UGT1A8: variants seen among roughly 807,000 people sequenced by gnomAD.
UGT1A8 encodes UDP glucuronosyltransferase family 1 member A8.
In UGT1A8, 39 loss-of-function variants were observed where a neutral mutation model predicts 45.3. The observed-to-expected ratio is 0.86, with a 90% CI of 0.67 to 1.12. The LOEUF (loss-of-function observed/expected upper bound fraction) is 1.12, where lower values mean the gene tolerates loss of function less well. Ranked by LOEUF, UGT1A8 falls within the 50% of genes most tolerant of loss-of-function variation. The pLI is 0.00. For missense variants in UGT1A8, 719 were observed against 664.9 expected (o/e 1.08, Z -0.90); for synonymous variants, 275 against 249.2 (o/e 1.10, Z -0.97).
chr2:233,694,162 A>G (rs2075203052), intron 1 of UGT1A8, among the ~76,000 whole-genome samples: 1 of 152,214 alleles, frequency 6.6e-6, no homozygotes, highest in South Asian at 2.1e-4. Context: ...CAGTTCAAAC[A>G]GAGGTGAAGG....
At chr2:233,684,226 G>A (rs1010844476) in intron 1 of UGT1A8, among the ~76,000 whole-genome samples, 8 of 152,154 alleles carry the variant, frequency 5.3e-5, no homozygotes, top group Admixed American at 4.6e-4. Flanking sequence ...ATGCAACCAA[G>A]CGCTTTCTAA....
chr2:233,624,905 G>A (rs538616344), intron 1 of UGT1A8, among the ~76,000 whole-genome samples: 16 of 152,006 alleles, frequency 1.1e-4, no homozygotes, highest in Non-Finnish European at 1.9e-4. Context: ...TGCTATTTAA[G>A]TGATATTTTT....
At chr2:233,684,119 C>G (rs2074663722) in intron 1 of UGT1A8, among the ~76,000 whole-genome samples, 1 of 152,158 alleles carries the variant, frequency 6.6e-6, no homozygotes, top group Non-Finnish European at 1.5e-5. Context: ...GTTCTGGCTT[C>G]TTACAAAGTT....
intron 1 of UGT1A8, among the ~76,000 whole-genome samples, chr2:233,732,141 T>G (rs532123817): frequency 9.3e-4 from 141 of 151,992 alleles, no homozygotes; most frequent in African/African-American, 3.3e-3. Flanking sequence ...TGTTTGTTTG[T>G]TTTTTTTCTT....
Position 233,769,603 on chromosome 2 carries a change from G to A in UGT1A8, c.1295+1164G>A. The stretch of plus-strand genomic sequence containing the variant: ...CAGATGAGAGGAGACGGAACACGGG[G>A]ACACACCAGCTTGAGCAAGGGACAA... On this transcript the variant is annotated intron_variant, in intron 4 of 4. Coordinates refer to ENST00000373450, the MANE Select transcript of UGT1A8 (RefSeq NM_019076.5). This position sits in a 1 kb window ranked among gnomAD's most constrained non-coding sequence, Gnocchi z 4.4. The A allele has an allele frequency of 6.2e-7, 1 of 1,612,818 alleles. No homozygotes were observed. The highest frequency in any genetic ancestry group is 8.5e-7 in the Non-Finnish European group (1 of 1,179,870).
intron 1 of UGT1A8, chr2:233,636,658 G>T (rs1381848730): frequency 1.2e-6 from 2 of 1,614,176 alleles, no homozygotes; most frequent in East Asian, 2.2e-5. Context: ...GTCGGTGGTG[G>T]AGAAACTTAT....
At chr2:233,680,572 C>A (rs1470764939) in intron 1 of UGT1A8, among the ~76,000 whole-genome samples, 1 of 152,170 alleles carries the variant, frequency 6.6e-6, no homozygotes, top group Non-Finnish European at 1.5e-5. Flanking sequence ...TTGCCTAACA[C>A]ACACTGCTGA....
chr2:233,699,744 T>G (rs1237056581), intron 1 of UGT1A8, among the ~76,000 whole-genome samples: 1 of 152,214 alleles, frequency 6.6e-6, no homozygotes, highest in African/African-American at 2.4e-5. Flanking sequence ...CCCAGAAAAC[T>G]AGACCCCAGT....
chr2:233,634,822 G>A (rs1309283088), intron 1 of UGT1A8, among the ~76,000 whole-genome samples: 2 of 150,768 alleles, frequency 1.3e-5, no homozygotes, highest in Non-Finnish European at 2.9e-5. Flanking sequence ...ATATTGTTAT[G>A]TGTGAACTTG....
chr2:233,690,988 G>A (rs2125547227), intron 1 of UGT1A8: 4 of 994,376 alleles, frequency 4.0e-6, no homozygotes, highest in Middle Eastern at 5.1e-4. Flanking sequence ...CCACATATGA[G>A]CAACAGGATT....
At chr2:233,628,757 T>C (rs772004040) in intron 1 of UGT1A8, among the ~76,000 whole-genome samples, 14 of 152,106 alleles carry the variant, frequency 9.2e-5, no homozygotes, top group Non-Finnish European at 1.9e-4. Context: ...GCCTCCAAGA[T>C]GTCCTTCATT....
At chr2:233,761,231 T>A in intron 1 of UGT1A8, 1 of 1,613,202 alleles carries the variant, frequency 6.2e-7, no homozygotes. Flanking sequence ...GCCCCAGATA[T>A]ATGCTGAGCA....
At chr2:233,651,156 A>G (rs965792790) in intron 1 of UGT1A8, among the ~76,000 whole-genome samples, 1 of 152,180 alleles carries the variant, frequency 6.6e-6, no homozygotes, top group African/African-American at 2.4e-5. Context: ...AGACTTTTCA[A>G]AGTGCTTCTC....
chr2:233,622,596 T>G (rs949699779), intron 1 of UGT1A8, among the ~76,000 whole-genome samples: 3 of 152,078 alleles, frequency 2.0e-5, no homozygotes, highest in Non-Finnish European at 4.4e-5. Context: ...TTGTAAATTT[T>G]TTTGAGTTCT....
intron 1 of UGT1A8, among the ~76,000 whole-genome samples, chr2:233,627,328 C>A (rs2073102003): frequency 6.6e-6 from 1 of 151,978 alleles, no homozygotes; most frequent in African/African-American, 2.4e-5. Flanking sequence ...GTTATCTTGA[C>A]AATTTTAAAG....
intron 1 of UGT1A8, chr2:233,718,019 C>T: frequency 2.6e-6 from 1 of 391,762 alleles, no homozygotes; most frequent in Non-Finnish European, 5.1e-6. Flanking sequence ...GGCTCCAGCT[C>T]CCCAGGTCCT....
intron 1 of UGT1A8, among the ~76,000 whole-genome samples, chr2:233,711,901 G>C (rs914987018): frequency 6.6e-6 from 1 of 152,216 alleles, no homozygotes; most frequent in Non-Finnish European, 1.5e-5. Context: ...ATGGGCGTGA[G>C]ACCATTGTGA....
At chr2:233,634,998 T>A (rs1488055096) in intron 1 of UGT1A8, among the ~76,000 whole-genome samples, 1 of 150,784 alleles carries the variant, frequency 6.6e-6, no homozygotes, top group Non-Finnish European at 1.5e-5. Context: ...GCAGGCCTGG[T>A]GGTGACAAAA....
intron 1 of UGT1A8, chr2:233,713,918 A>G (rs1452399293): frequency 2.5e-6 from 4 of 1,612,224 alleles, no homozygotes; most frequent in Non-Finnish European, 3.4e-6. Context: ...TAAAAAATGT[A>G]TTTACTTACA....
Sources: gnomAD v4.1 joint callset for allele counts (sites outside exome capture counted in the v4.1 genomes callset) on GRCh38, gnomAD v4.1.1 for gene constraint, Gnocchi (gnomAD v3.1) non-coding constraint, MANE v1.5 for transcripts, NCBI Gene and HGNC (gene_info 2026-07-23, HGNC 2026-07-21) for gene names.